The following CCDC60 variants were observed in gnomAD, a reference collection of about 807,000 sequenced individuals.
CCDC60 encodes coiled-coil domain-containing protein 60.
A neutral mutation model predicts 63.5 loss-of-function variants in CCDC60; 54 were observed. That is an observed-to-expected ratio of 0.85 (90% CI 0.68 to 1.07). The LOEUF (loss-of-function observed/expected upper bound fraction) is 1.07. Ranked by LOEUF, CCDC60 falls within the 50% of genes least tolerant of loss-of-function variation. The pLI is 0.00. For synonymous variants in CCDC60, 206 were observed against 238.8 expected (o/e 0.86, Z 1.27); for missense variants, 651 against 684.3 (o/e 0.95, Z 0.54).
At chr12:119,515,088 C>A (rs765833367) in intron 7 of CCDC60, among the ~76,000 whole-genome samples, 1 of 152,118 alleles carries the variant, frequency 6.6e-6, no homozygotes, top group Non-Finnish European at 1.5e-5. Flanking sequence ...TGGGAGTGCA[C>A]TCTATAATGT....
At chr12:119,471,480 C>A (rs1951056866) in intron 2 of CCDC60, among the ~76,000 whole-genome samples, 1 of 152,208 alleles carries the variant, frequency 6.6e-6, no homozygotes, top group Non-Finnish European at 1.5e-5. Flanking sequence ...TCTGATCCTG[C>A]AGGCTGTGAA....
intron 5 of CCDC60, among the ~76,000 whole-genome samples, chr12:119,498,051 T>C (rs1448383506): frequency 6.6e-6 from 1 of 152,148 alleles, no homozygotes; most frequent in Non-Finnish European, 1.5e-5. Context: ...TGTGTGCATT[T>C]CTTGTGTGGT....
intron 5 of CCDC60, among the ~76,000 whole-genome samples, chr12:119,499,647 A>C (rs902494738): frequency 6.6e-6 from 1 of 152,008 alleles, no homozygotes; most frequent in Non-Finnish European, 1.5e-5. Context: ...CCCACCCTCA[A>C]TCCCACCCAG....
chr12:119,532,470 T>C (rs940542193), intron 13 of CCDC60, among the ~76,000 whole-genome samples: 2 of 151,196 alleles, frequency 1.3e-5, no homozygotes, highest in Non-Finnish European at 2.9e-5. Flanking sequence ...GTGCGTAACG[T>C]GAAGGTTTGT....
intron 7 of CCDC60, among the ~76,000 whole-genome samples, chr12:119,513,582 C>T (rs930345642): frequency 2.0e-5 from 3 of 152,216 alleles, no homozygotes; most frequent in South Asian, 2.1e-4. Context: ...ATAGAGGGTT[C>T]ATCATACCCC....
chr12:119,520,064 C>A, intron 8 of CCDC60, 57 bp from the exon 9 acceptor site: 1 of 1,479,594 alleles, frequency 6.8e-7, no homozygotes, highest in Non-Finnish European at 9.4e-7. Context: ...CATGTAGTTA[C>A]TGCACAAAAT....
intron 1 of CCDC60, among the ~76,000 whole-genome samples, chr12:119,383,313 A>T (rs1333861098): frequency 1.3e-5 from 2 of 152,236 alleles, no homozygotes; most frequent in Non-Finnish European, 2.9e-5. Context: ...TGGATGTTCT[A>T]GAGAAGTCTT....
intron 5 of CCDC60, among the ~76,000 whole-genome samples, chr12:119,498,214 T>G (rs1951757956): frequency 6.6e-6 from 1 of 152,124 alleles, no homozygotes; most frequent in Non-Finnish European, 1.5e-5. Context: ...TTGATCACCT[T>G]TTGCCTTCTA....
At chr12:119,507,485 C>CACATATAT (rs1191428080) in intron 7 of CCDC60, among the ~76,000 whole-genome samples, 1 of 142,258 alleles carries the variant, frequency 7.0e-6, no homozygotes, top group Non-Finnish European at 1.5e-5. Context: ...TACATATATA[C>CACATATAT]ACATATATAC....
In CCDC60 at chr12:119,460,581, G is replaced by A. The variant is rs566336038; in HGVS notation, c.171-11413G>A. On this transcript the variant is annotated intron_variant, in intron 2 of 13. Transcript: ENST00000327554. ...ATATTTCTTTCTTGCTCCAGCCTTC[G>A]CTGAGCTAGGCTAGAATTGCTGGGT... Among the ~76,000 whole-genome samples the A allele has an allele frequency of 9.2e-5, 14 of 152,294 alleles. No homozygotes were observed. The South Asian group carries it at 1.0e-3, about 11-fold the overall frequency.
chr12:119,523,698 C>T lies in CCDC60; in HGVS notation c.1109C>T (p.Thr370Ile), dbSNP rs116150853. 3 of 1,614,114 alleles carry T rather than the reference C, an allele frequency of 1.9e-6. No individual in the cohort carries two copies. Among genetic ancestry groups the T allele is most frequent in the East Asian group, 2.2e-5 (1 of 44,882 alleles). The stretch of plus-strand genomic sequence containing the variant: ...CTTCTTATCTGTGTCCACAGCCGCA[C>T]TAATTGTGACATCAACATCCACTAC... ...QPVQKKSKNRTNCDINIHYKS... is the reference protein window; with the variant it reads ...QPVQKKSKNRINCDINIHYKS... Residue 370 changes from threonine to isoleucine, a missense_variant, in exon 11 of 14, where the codon ACT (threonine) becomes ATT (isoleucine). Thr to Ile is a moderately conservative substitution (Grantham distance 89). Transcript: ENST00000327554.
intron 2 of CCDC60, among the ~76,000 whole-genome samples, chr12:119,439,073 A>C (rs1190994702): frequency 6.8e-6 from 1 of 147,280 alleles, no homozygotes; most frequent in Non-Finnish European, 1.5e-5. Context: ...ATGAGAATAC[A>C]TGCTCCTCAT....
intron 5 of CCDC60, among the ~76,000 whole-genome samples, chr12:119,498,036 G>T (rs1951754023): frequency 6.6e-6 from 1 of 152,140 alleles, no homozygotes; most frequent in Admixed American, 6.5e-5. Flanking sequence ...CTTCCACTTT[G>T]GGTCTGTGTG....
At chr12:119,382,134 A>C (rs1956013736) in intron 1 of CCDC60, among the ~76,000 whole-genome samples, 1 of 152,014 alleles carries the variant, frequency 6.6e-6, no homozygotes. Context: ...CATGAAGCTG[A>C]TTTTCATGTG....
intron 2 of CCDC60, among the ~76,000 whole-genome samples, chr12:119,457,407 AG>A (rs1263038886): frequency 1.3e-5 from 2 of 152,214 alleles, no homozygotes; most frequent in Non-Finnish European, 2.9e-5. Context: ...TTGATCTGAG[AG>A]GTGAAATCCT....
intron 13 of CCDC60, among the ~76,000 whole-genome samples, chr12:119,532,652 T>C (rs571938141): frequency 6.6e-6 from 1 of 152,170 alleles, no homozygotes; most frequent in African/African-American, 2.4e-5. Context: ...CTCCCACTTA[T>C]GAGTGAGAAC....
chr12:119,395,760 G>A (rs1396838792), intron 1 of CCDC60, among the ~76,000 whole-genome samples: 3 of 152,198 alleles, frequency 2.0e-5, no homozygotes, highest in African/African-American at 7.2e-5. Context: ...AGCTCAGGAG[G>A]TGAGAAGTCC....
rs1272902611 is a variant in CCDC60 at position 119,456,991 on chromosome 12, C to T, written c.171-15003C>T. Reference sequence around the variant, plus strand: ...CCAGTAGGTCTCAGCATCATTTTACCTAGCCCCATTCAAGATGGAGTTGCT... The same window carrying T: ...CCAGTAGGTCTCAGCATCATTTTACTTAGCCCCATTCAAGATGGAGTTGCT... On this transcript the variant is annotated intron_variant, in intron 2 of 13. Coordinates refer to ENST00000327554, the MANE Select transcript of CCDC60 (RefSeq NM_178499.5). The surrounding 1 kb of genome is among the most constrained non-coding windows in gnomAD (Gnocchi z 4.6). 6.6e-6 allele frequency among the ~76,000 whole-genome samples: 1 copy of T among 152,194 alleles called. No homozygotes were observed. Among genetic ancestry groups the T allele is most frequent in the African/African-American group, 2.4e-5 (1 of 41,446 alleles).
At chr12:119,403,491 C>G (rs970565125) in intron 1 of CCDC60, among the ~76,000 whole-genome samples, 2 of 152,144 alleles carry the variant, frequency 1.3e-5, no homozygotes, top group African/African-American at 2.4e-5. Context: ...GGCTTGCAGT[C>G]CAAGAGCATA....
Sources: allele counts gnomAD v4.1 joint callset (sites outside exome capture counted in the v4.1 genomes callset), GRCh38; gene constraint gnomAD v4.1.1; non-coding constraint Gnocchi (gnomAD v3.1); transcripts MANE v1.5; gene names NCBI Gene and HGNC (gene_info 2026-07-23, HGNC 2026-07-21).